The following TMEM132C variants were observed in gnomAD, a reference collection of about 807,000 sequenced individuals.
TMEM132C encodes transmembrane protein 132C.
In TMEM132C, 29 loss-of-function variants were observed where a neutral mutation model predicts 61.4. That is an observed-to-expected ratio of 0.47 (90% confidence interval 0.35 to 0.64). The LOEUF (loss-of-function observed/expected upper bound fraction) is 0.64, where lower values mean the gene tolerates loss of function less well. Among genes scored for constraint, TMEM132C ranks in the 30% least tolerant of loss-of-function variants. The pLI is 0.00. For missense variants in TMEM132C, 1,408 were observed against 1,476.9 expected (o/e 0.95, Z 0.76); for synonymous variants, 656 against 633.1 (o/e 1.04, Z -0.54).
intron 1 of TMEM132C, among the ~76,000 whole-genome samples, chr12:128,347,377 C>T (rs1457913388): frequency 1.3e-5 from 2 of 148,672 alleles, no homozygotes; most frequent in African/African-American, 2.5e-5. Context: ...AATTATGCTG[C>T]CATAAGCATG....
chr12:128,618,147 T>C (rs1366609356), intron 4 of TMEM132C, among the ~76,000 whole-genome samples: 1 of 152,204 alleles, frequency 6.6e-6, no homozygotes, highest in Admixed American at 6.5e-5. Context: ...GCATCAGCTC[T>C]GGATTACAAG....
chr12:128,341,213 C>T (rs957423605), intron 1 of TMEM132C, among the ~76,000 whole-genome samples: 2 of 152,090 alleles, frequency 1.3e-5, no homozygotes, highest in Non-Finnish European at 2.9e-5. Context: ...AAACTCTGTG[C>T]TCTTTCTTTG....
chr12:128,339,852 G>C (rs1042265185), intron 1 of TMEM132C, among the ~76,000 whole-genome samples: 3 of 152,030 alleles, frequency 2.0e-5, no homozygotes, highest in African/African-American at 7.3e-5. Flanking sequence ...TATCAACCAG[G>C]GGCTCACACA....
chr12:128,413,992 T>C (rs1178289725), intron 1 of TMEM132C, among the ~76,000 whole-genome samples: 1 of 152,248 alleles, frequency 6.6e-6, no homozygotes, highest in Non-Finnish European at 1.5e-5. Context: ...CTTTGATTTA[T>C]ATTGCTGATC....
chr12:128,356,503 G>C (rs1377163791), intron 1 of TMEM132C, among the ~76,000 whole-genome samples: 1 of 152,204 alleles, frequency 6.6e-6, no homozygotes, highest in Admixed American at 6.5e-5. Context: ...GGAAATAAAT[G>C]ACTCTCTGAG....
intron 1 of TMEM132C, among the ~76,000 whole-genome samples, chr12:128,307,669 C>T (rs574780301): frequency 6.6e-6 from 1 of 152,308 alleles, no homozygotes; most frequent in African/African-American, 2.4e-5. Flanking sequence ...ACTGTATTAT[C>T]TCTTTAATAG....
intron 2 of TMEM132C, among the ~76,000 whole-genome samples, chr12:128,444,640 C>G (rs1359221796): frequency 6.6e-6 from 1 of 152,214 alleles, no homozygotes; most frequent in Admixed American, 6.5e-5. Flanking sequence ...GGGCCACATT[C>G]AGGCAACTGA....
chr12:128,671,953 C>T (rs1016774956), intron 5 of TMEM132C, among the ~76,000 whole-genome samples: 18 of 152,038 alleles, frequency 1.2e-4, no homozygotes, highest in African/African-American at 4.3e-4. Context: ...TCACACTGTC[C>T]AATGGAAACA....
At chr12:128,637,907 T>C (rs1052131152) in intron 4 of TMEM132C, among the ~76,000 whole-genome samples, 6 of 152,238 alleles carry the variant, frequency 3.9e-5, no homozygotes, top group Non-Finnish European at 8.8e-5. Flanking sequence ...GTAGGAACCC[T>C]GGGACTTTCA....
intron 2 of TMEM132C, among the ~76,000 whole-genome samples, chr12:128,535,675 T>C (rs1333017752): frequency 6.6e-6 from 1 of 152,136 alleles, no homozygotes; most frequent in African/African-American, 2.4e-5. Flanking sequence ...GAGACCATCT[T>C]AGCTAACACA....
In TMEM132C at chr12:128,598,487, C is replaced by T. The variant is rs73428408; in HGVS notation, c.1122-17665C>T. On this transcript the variant is annotated intron_variant, in intron 3 of 8. Transcript: ENST00000435159. ...GTGTGGAAGACAGCTCCCCAGCCCC[C>T]CTTCCACCACCCAGCAATGATGCAG... Among the ~76,000 whole-genome samples, 168 of 152,160 alleles carry T rather than the reference C, an allele frequency of 1.1e-3. 1 individual carries two copies. The highest frequency in any genetic ancestry group is 3.9e-3 in the African/African-American group (161 of 41,504).
At chr12:128,601,324 C>G (rs552302423) in intron 3 of TMEM132C, among the ~76,000 whole-genome samples, 1 of 152,186 alleles carries the variant, frequency 6.6e-6, no homozygotes, top group Non-Finnish European at 1.5e-5. Flanking sequence ...TCGGGGCACT[C>G]GGCTCCTGGC....
chr12:128,565,165 G>A (rs1171549592), intron 3 of TMEM132C, among the ~76,000 whole-genome samples: 1 of 152,212 alleles, frequency 6.6e-6, no homozygotes, highest in African/African-American at 2.4e-5. Flanking sequence ...AAGGTGGTCT[G>A]TAGCCAACAG....
intron 3 of TMEM132C, among the ~76,000 whole-genome samples, chr12:128,573,902 A>AAAG (rs1555233004): frequency 6.6e-6 from 1 of 151,702 alleles, no homozygotes; most frequent in Non-Finnish European, 1.5e-5. Flanking sequence ...TGCAATCAAA[A>AAAG]AAAAAAAAAA....
At chr12:128,516,229 C>T (rs2136123137) in intron 2 of TMEM132C, among the ~76,000 whole-genome samples, 1 of 152,142 alleles carries the variant, frequency 6.6e-6, no homozygotes, top group South Asian at 2.1e-4. Context: ...CCATAGGAGC[C>T]AAACACGAGA....
At chr12:128,611,476 G>C (rs1468685609) in intron 3 of TMEM132C, among the ~76,000 whole-genome samples, 4 of 152,150 alleles carry the variant, frequency 2.6e-5, no homozygotes, top group Admixed American at 1.3e-4. Context: ...TCTGGGGCGG[G>C]AGCGGGGTTA....
chr12:128,340,856 T>TCTTCCTTCCTTCCTTC (rs761084729), intron 1 of TMEM132C, among the ~76,000 whole-genome samples: 131 of 147,372 alleles, frequency 8.9e-4, no homozygotes, highest in Middle Eastern at 3.4e-3. Context: ...TCTCTTTCTT[T>TCTTCCTTCCTTCCTTC]CTTCCTTCCT....
chr12:128,419,223 A>G (rs900645751), intron 2 of TMEM132C, among the ~76,000 whole-genome samples: 1 of 152,218 alleles, frequency 6.6e-6, no homozygotes, highest in African/African-American at 2.4e-5. Flanking sequence ...TTGTCAAGAA[A>G]CCAATAGGTA....
At chr12:128,481,814 G>A (rs1379578524) in intron 2 of TMEM132C, among the ~76,000 whole-genome samples, 2 of 152,166 alleles carry the variant, frequency 1.3e-5, no homozygotes, top group Non-Finnish European at 1.5e-5. Flanking sequence ...CGGCACTGGA[G>A]GCACTCTGCT....
Sources: gnomAD v4.1 joint callset for allele counts (sites outside exome capture counted in the v4.1 genomes callset) on GRCh38, gnomAD v4.1.1 for gene constraint, MANE v1.5 for transcripts, NCBI Gene and HGNC (gene_info 2026-07-23, HGNC 2026-07-21) for gene names.